Variants in HSD17B12 observed in about 807,000 individuals in gnomAD.
HSD17B12 encodes hydroxysteroid 17-beta dehydrogenase 12.
A neutral mutation model predicts 39.3 loss-of-function variants in HSD17B12; 32 were observed. The ratio of observed to expected loss-of-function variants is 0.81; its 90% confidence interval spans 0.61 to 1.09. The LOEUF is 1.09. Among genes scored for constraint, HSD17B12 ranks in the 50% least tolerant of loss-of-function variants. The pLI, the probability that HSD17B12 is intolerant of heterozygous loss-of-function variation, is 0.00. For missense variants in HSD17B12, 342 were observed against 382.9 expected, an observed-to-expected ratio of 0.89 and a Z score of 0.89; for synonymous variants, 150 against 146.7, an observed-to-expected ratio of 1.02 and a Z score of -0.16.
chr11:43,790,257 C>T (rs1950854984), intron 3 of HSD17B12, among the ~76,000 whole-genome samples: 1 of 152,106 alleles, frequency 6.6e-6, no homozygotes, highest in Non-Finnish European at 1.5e-5. Flanking sequence ...ACCATTGATT[C>T]CATGGATGAT....
intron 9 of HSD17B12, among the ~76,000 whole-genome samples, chr11:43,851,077 T>C (rs1485450176): frequency 1.3e-5 from 2 of 152,136 alleles, no homozygotes; most frequent in African/African-American, 4.8e-5. Flanking sequence ...CCAAGTTGTC[T>C]CCAGTGATTT....
At chr11:43,589,863 A>G in the HSD17B12 span, among the ~76,000 whole-genome samples, 1 of 152,224 alleles carries the variant, frequency 6.6e-6, no homozygotes, top group Non-Finnish European at 1.5e-5. Flanking sequence ...GCAAGTTATC[A>G]GCTGCACGCC....
chr11:43,811,717 G>A (rs1387420691), intron 4 of HSD17B12, among the ~76,000 whole-genome samples: 1 of 151,958 alleles, frequency 6.6e-6, no homozygotes, highest in Non-Finnish European at 1.5e-5. Flanking sequence ...TCTATGTGTT[G>A]GGAACATTAA....
At chr11:43,817,588 A>G (rs879724682) in intron 6 of HSD17B12, among the ~76,000 whole-genome samples, 7 of 152,250 alleles carry the variant, frequency 4.6e-5, no homozygotes, top group Admixed American at 2.0e-4. Context: ...TCCCAGCACC[A>G]TTTGTTGAAT....
At chr11:43,743,941 T>C (rs1034451916) in intron 1 of HSD17B12, among the ~76,000 whole-genome samples, 6 of 152,130 alleles carry the variant, frequency 3.9e-5, no homozygotes, top group Admixed American at 1.3e-4. Flanking sequence ...AATGGATCTA[T>C]AATAAGAACA....
the HSD17B12 span, among the ~76,000 whole-genome samples, chr11:43,660,975 A>G: frequency 6.6e-6 from 1 of 152,140 alleles, no homozygotes; most frequent in Non-Finnish European, 1.5e-5. Flanking sequence ...AAATACAAAA[A>G]TGAGCTGGGT....
At chr11:43,839,868 C>A in intron 8 of HSD17B12, 131 bp from the exon 9 acceptor site, 1 of 754,074 alleles carries the variant, frequency 1.3e-6, no homozygotes, top group Non-Finnish European at 2.2e-6. Flanking sequence ...TTCTCTTCTG[C>A]GTTTGAAATG....
At chr11:43,616,107 T>C in the HSD17B12 span, among the ~76,000 whole-genome samples, 1 of 152,172 alleles carries the variant, frequency 6.6e-6, no homozygotes, top group Non-Finnish European at 1.5e-5. Context: ...ACCTTTACTT[T>C]TTAAAATTAT....
chr11:43,717,166 AC>A (rs1440131257), intron 1 of HSD17B12, among the ~76,000 whole-genome samples: 4 of 152,202 alleles, frequency 2.6e-5, no homozygotes, highest in Admixed American at 6.5e-5. Context: ...AAATCATCTT[AC>A]TTATTAAAGC....
At chr11:43,827,100 G>A (rs1951250618) in intron 6 of HSD17B12, among the ~76,000 whole-genome samples, 1 of 152,182 alleles carries the variant, frequency 6.6e-6, no homozygotes, top group Non-Finnish European at 1.5e-5. Context: ...GAGGGCAGAT[G>A]TGGACAAAGT....
At chr11:43,719,012 G>T (rs773725566) in intron 1 of HSD17B12, 177 of 980,298 alleles carry the variant, frequency 1.8e-4, no homozygotes, top group Non-Finnish European at 1.9e-4. Flanking sequence ...CAAAAAGGCT[G>T]TGAAGAAGCT....
chr11:43,731,472 T>A (rs1274932212), intron 1 of HSD17B12, among the ~76,000 whole-genome samples: 1 of 152,256 alleles, frequency 6.6e-6, no homozygotes, highest in East Asian at 1.9e-4. Context: ...CTGAGTTATA[T>A]ACAGTATTTC....
chr11:43,790,500 A>G (rs1404038418), intron 3 of HSD17B12, among the ~76,000 whole-genome samples: 4 of 152,162 alleles, frequency 2.6e-5, no homozygotes, highest in Non-Finnish European at 5.9e-5. Context: ...TGAATACTTG[A>G]AACTGTGGAT....
chr11:43,674,855 C>T, the HSD17B12 span, among the ~76,000 whole-genome samples: 22 of 152,280 alleles, frequency 1.4e-4, no homozygotes, highest in Admixed American at 5.9e-4. Flanking sequence ...CTTAGAAAGG[C>T]GTTTCAAGGC....
the HSD17B12 span, among the ~76,000 whole-genome samples, chr11:43,663,310 G>T: frequency 6.6e-6 from 1 of 152,276 alleles, no homozygotes; most frequent in East Asian, 1.9e-4. Flanking sequence ...ATGTTGGCCA[G>T]GCTGGTCTCA....
chr11:43,824,271 T>C (rs1951210917), intron 6 of HSD17B12, among the ~76,000 whole-genome samples: 1 of 152,226 alleles, frequency 6.6e-6, no homozygotes, highest in African/African-American at 2.4e-5. Context: ...TGGGTTCTTC[T>C]GTTCCAGGTG....
chr11:43,664,589 G>T, the HSD17B12 span, among the ~76,000 whole-genome samples: 1 of 152,126 alleles, frequency 6.6e-6, no homozygotes, highest in Non-Finnish European at 1.5e-5. Context: ...TAACTTCCAT[G>T]GCTATTGTTC....
intron 1 of HSD17B12, among the ~76,000 whole-genome samples, chr11:43,685,451 G>A (rs917776151): frequency 6.6e-6 from 1 of 152,184 alleles, no homozygotes; most frequent in Non-Finnish European, 1.5e-5. Flanking sequence ...ATGATTTGAA[G>A]AATTATATAT....
chr11:43,754,031 C>T lies in HSD17B12; in HGVS notation c.208-15C>T, dbSNP rs755260585. 1.9e-6 allele frequency: 3 copies of T among 1,584,814 alleles called. No homozygotes were observed. The Admixed American group carries it at 5.0e-5, about 27-fold the overall frequency. On this transcript the variant is annotated splice_polypyrimidine_tract_variant and intron_variant, in intron 2 of 10. Transcript: ENST00000278353. Reference sequence around the variant, plus strand: ...ACATGCACAGGTGTGATTCAAATCTCCTTTACTGTTTCAGTTAGCAAAGCA... The same window carrying T: ...ACATGCACAGGTGTGATTCAAATCTTCTTTACTGTTTCAGTTAGCAAAGCA...
Sources: allele counts gnomAD v4.1 joint callset (sites outside exome capture counted in the v4.1 genomes callset), GRCh38; gene constraint gnomAD v4.1.1; transcripts MANE v1.5; gene names NCBI Gene and HGNC (gene_info 2026-07-23, HGNC 2026-07-21).